Variants in DCUN1D4 observed in about 807,000 individuals in gnomAD.
DCUN1D4 encodes the protein DCN1-like protein 4.
DCUN1D4 carries 22 observed loss-of-function variants against 47.9 expected under a neutral mutation model. The ratio of observed to expected loss-of-function variants is 0.46; its 90% confidence interval spans 0.33 to 0.66. The LOEUF (loss-of-function observed/expected upper bound fraction) is 0.66. Ranked by LOEUF, DCUN1D4 falls within the 30% of genes least tolerant of loss-of-function variation. DCUN1D4 has a pLI of 0.02. For missense variants in DCUN1D4, 301 were observed against 340.8 expected (o/e 0.88, Z 0.92); for synonymous variants, 121 against 112.2 (o/e 1.08, Z -0.50).
intron 6 of DCUN1D4, among the ~76,000 whole-genome samples, chr4:51,888,284 T>C (rs1193221016): frequency 6.6e-6 from 1 of 152,084 alleles, no homozygotes; most frequent in East Asian, 1.9e-4. Context: ...GAGCATTTAG[T>C]CTCAGAGGCA....
chr4:51,898,121 G>A (rs1050995409), intron 7 of DCUN1D4, among the ~76,000 whole-genome samples: 9 of 152,186 alleles, frequency 5.9e-5, no homozygotes, highest in Non-Finnish European at 1.0e-4. Context: ...CTTCTACTGG[G>A]AGAGGAATAG....
At chr4:51,860,547 TA>T (rs1398757777) in intron 1 of DCUN1D4, 1 of 454,648 alleles carries the variant, frequency 2.2e-6, no homozygotes, top group Non-Finnish European at 4.4e-6. Flanking sequence ...CTGCAGGCTT[TA>T]CAGGAAGTAT....
intron 6 of DCUN1D4, among the ~76,000 whole-genome samples, chr4:51,888,882 G>A (rs1729977289): frequency 6.6e-6 from 1 of 152,104 alleles, no homozygotes. Flanking sequence ...CGAGGTGGGT[G>A]GGTGGATCAC....
intron 1 of DCUN1D4, among the ~76,000 whole-genome samples, chr4:51,847,516 C>T (rs901055613): frequency 1.3e-5 from 2 of 152,188 alleles, no homozygotes; most frequent in Admixed American, 1.3e-4. Flanking sequence ...GATTGCATCT[C>T]TTCCCATGCC....
At chr4:51,867,176 TCCA>T (rs1726076222) in intron 3 of DCUN1D4, among the ~76,000 whole-genome samples, 1 of 152,212 alleles carries the variant, frequency 6.6e-6, no homozygotes, top group Admixed American at 6.5e-5. Context: ...GCATGTGGCT[TCCA>T]CTGTGGGCAC....
intron 7 of DCUN1D4, among the ~76,000 whole-genome samples, chr4:51,894,636 C>T (rs541704759): frequency 2.6e-5 from 4 of 152,210 alleles, no homozygotes; most frequent in Admixed American, 6.5e-5. Context: ...CACAAGAAAA[C>T]CCAGAGAGTA....
chr4:51,873,273 G>A (rs1239958049), intron 3 of DCUN1D4, among the ~76,000 whole-genome samples: 2 of 152,138 alleles, frequency 1.3e-5, no homozygotes. Context: ...AAATACCTAA[G>A]CCTTAGTTTT....
intron 1 of DCUN1D4, among the ~76,000 whole-genome samples, chr4:51,852,228 G>A (rs189557283): frequency 1.6e-3 from 251 of 152,206 alleles, no homozygotes; most frequent in African/African-American, 5.9e-3. Flanking sequence ...TTTTAAGTGG[G>A]AAACTGAAGA....
chr4:51,849,459 A>T (rs1723043534), intron 1 of DCUN1D4, among the ~76,000 whole-genome samples: 1 of 152,126 alleles, frequency 6.6e-6, no homozygotes, highest in Non-Finnish European at 1.5e-5. Context: ...GCTCTCAACT[A>T]AGAATTCTGA....
chr4:51,835,652 A>G, the DCUN1D4 span, among the ~76,000 whole-genome samples: 18 of 152,058 alleles, frequency 1.2e-4, no homozygotes, highest in Non-Finnish European at 2.5e-4. Context: ...GGGACAGGGC[A>G]GCTGGGAGGT....
chr4:51,893,654 T>G, intron 7 of DCUN1D4, among the ~76,000 whole-genome samples: 1 of 152,174 alleles, frequency 6.6e-6, no homozygotes, highest in East Asian at 1.9e-4. Flanking sequence ...ACTCCTGACC[T>G]CAAGTGATCT....
chr4:51,855,740 A>G (rs1167464420), intron 1 of DCUN1D4, among the ~76,000 whole-genome samples: 2 of 152,238 alleles, frequency 1.3e-5, no homozygotes, highest in African/African-American at 4.8e-5. Flanking sequence ...TAGCAAATAC[A>G]ACATCTCAGT....
At chr4:51,906,391 A>G (rs367572104) in intron 8 of DCUN1D4, among the ~76,000 whole-genome samples, 1 of 152,240 alleles carries the variant, frequency 6.6e-6, no homozygotes. Flanking sequence ...CTTGTGTTCA[A>G]CAACCCGTGT....
At chr4:51,837,264 A>C in the DCUN1D4 span, among the ~76,000 whole-genome samples, 1 of 152,236 alleles carries the variant, frequency 6.6e-6, no homozygotes, top group Non-Finnish European at 1.5e-5. Flanking sequence ...TTTCCATAAA[A>C]TAAAAGGTCC....
At chr4:51,870,102 G>T (rs577795392) in intron 3 of DCUN1D4, among the ~76,000 whole-genome samples, 12 of 152,034 alleles carry the variant, frequency 7.9e-5, no homozygotes, top group Non-Finnish European at 1.6e-4. Context: ...CCAGATGTTC[G>T]TACCTAATTA....
At chr4:51,859,757 G>A (rs562578695) in intron 1 of DCUN1D4, among the ~76,000 whole-genome samples, 1 of 151,542 alleles carries the variant, frequency 6.6e-6, no homozygotes, top group African/African-American at 2.4e-5. Flanking sequence ...AGCAGGCTGT[G>A]CCTTTGTAGA....
intron 1 of DCUN1D4, among the ~76,000 whole-genome samples, chr4:51,851,197 ACAGG>A (rs1209520326): frequency 6.6e-6 from 1 of 152,192 alleles, no homozygotes; most frequent in African/African-American, 2.4e-5. Flanking sequence ...TGCTGCTGTC[ACAGG>A]CAGGACTGTG....
At chr4:51,834,961 A>T in the DCUN1D4 span, among the ~76,000 whole-genome samples, 1 of 152,212 alleles carries the variant, frequency 6.6e-6, no homozygotes, top group South Asian at 2.1e-4. Context: ...ATAAAGGCCC[A>T]TACCCTGATA....
At chr4:51,889,306 T>A (rs968126870) in intron 6 of DCUN1D4, among the ~76,000 whole-genome samples, 1 of 152,212 alleles carries the variant, frequency 6.6e-6, no homozygotes, top group African/African-American at 2.4e-5. Flanking sequence ...TGCTGAAATA[T>A]GGTGTTTTCA....
Sources: allele counts gnomAD v4.1 joint callset (sites outside exome capture counted in the v4.1 genomes callset), GRCh38; gene constraint gnomAD v4.1.1; transcripts MANE v1.5; gene names NCBI Gene and HGNC (gene_info 2026-07-23, HGNC 2026-07-21).